The following TDRP variants were observed in gnomAD, a reference collection of about 807,000 sequenced individuals.
TDRP encodes the protein testis development related protein, also known as testis development-related protein.
In TDRP, 12 loss-of-function variants were observed where a neutral mutation model predicts 10.5. That is an observed-to-expected ratio of 1.15 (90% CI 0.73 to 1.86). The LOEUF (loss-of-function observed/expected upper bound fraction) is 1.86. TDRP is among the 40% of genes most tolerant of loss of function. The probability of loss-of-function intolerance (pLI) is 0.00; values close to 1 mark genes in which losing one functional copy is unlikely to be tolerated. For synonymous variants in TDRP, 139 were observed against 95.4 expected (o/e 1.46, Z -2.67); for missense variants, 353 against 229.2 (o/e 1.54, Z -3.49).
chr8:544,651 T>A lies in TDRP; in HGVS notation c.107A>T (p.Gln36Leu), dbSNP rs1224439986. The A allele has an allele frequency of 8.2e-7, 1 of 1,225,508 alleles. No homozygotes were observed. The highest frequency in any genetic ancestry group is 4.7e-5 in the Admixed American group (1 of 21,078). The allele number at this position is 1,225,508 out of a possible 1,614,324, so 75.9% of individuals were successfully genotyped here. Residue 36 changes from glutamine to leucine, a missense_variant and splice_region_variant, in exon 1 of 3, where the codon CAG becomes CTG. Coordinates refer to ENST00000324079, the MANE Select transcript of TDRP (RefSeq NM_001384899.1). ...CTCCCCACCTGCGCACCCCCTCACC[T>A]GCGCCTGGGCGGCGGCGGCGGCGGC... Reference protein sequence around the residue: ...PPAAAAAAQAQVQGASFRGWK... With the variant: ...PPAAAAAAQALVQGASFRGWK...
At chr8:524,623 A>G (rs1195089366) in intron 1 of TDRP, among the ~76,000 whole-genome samples, 1 of 152,250 alleles carries the variant, frequency 6.6e-6, no homozygotes, top group South Asian at 2.1e-4. Flanking sequence ...TAAAACATCA[A>G]GCAGAAATTC....
chr8:531,692 T>C (rs968021709), intron 1 of TDRP, among the ~76,000 whole-genome samples: 3 of 152,252 alleles, frequency 2.0e-5, no homozygotes, highest in Non-Finnish European at 1.5e-5. Flanking sequence ...GTCTGAGTTA[T>C]ACTGTGGGGA....
chr8:501,580 C>G (rs1262332851), intron 1 of TDRP, among the ~76,000 whole-genome samples: 1 of 152,172 alleles, frequency 6.6e-6, no homozygotes, highest in African/African-American at 2.4e-5. Context: ...CTCCTGCCCT[C>G]AAGCGATCCA....
chr8:498,535 G>A (rs1205048682), intron 1 of TDRP, among the ~76,000 whole-genome samples: 1 of 152,196 alleles, frequency 6.6e-6, no homozygotes, highest in Non-Finnish European at 1.5e-5. Flanking sequence ...ATAGGCAGAA[G>A]GGACTTACCT....
At chr8:515,685 G>A (rs1801739835) in intron 1 of TDRP, among the ~76,000 whole-genome samples, 1 of 152,112 alleles carries the variant, frequency 6.6e-6, no homozygotes, top group Non-Finnish European at 1.5e-5. Context: ...ACTACTTACT[G>A]ACAATTAATT....
intron 1 of TDRP, among the ~76,000 whole-genome samples, chr8:541,431 A>T (rs927806402): frequency 6.6e-6 from 1 of 152,270 alleles, no homozygotes; most frequent in African/African-American, 2.4e-5. Flanking sequence ...TTAAAATTAA[A>T]AACTTCTGCT....
At chr8:503,865 C>T (rs1355813304) in intron 1 of TDRP, among the ~76,000 whole-genome samples, 1 of 149,390 alleles carries the variant, frequency 6.7e-6, no homozygotes, top group Non-Finnish European at 1.5e-5. Flanking sequence ...CTGCACACAC[C>T]AACACGGAAT....
Position 494,554 on chromosome 8 carries a change from A to ATC in TDRP, c.151_152insGA (p.Leu51ArgfsTer27). ...ATGCTGCTCATCATCTTTGTTAAAC[A>ATC]GTGAAGTCACTTCTTTCCAACCTCG... is the stretch of plus-strand genomic sequence containing the variant. On this transcript the variant is annotated frameshift_variant, in exon 2 of 3. Coordinates refer to ENST00000324079, the MANE Select transcript of TDRP (RefSeq NM_001384899.1). LOFTEE classifies it high-confidence loss of function. 1 of 1,614,020 alleles carries ATC rather than the reference A, an allele frequency of 6.2e-7. No individual in the cohort carries two copies. Among genetic ancestry groups the ATC allele is most frequent in the Non-Finnish European group, 8.5e-7 (1 of 1,179,890 alleles).
At chr8:506,469 G>C (rs982562838) in intron 1 of TDRP, among the ~76,000 whole-genome samples, 2 of 152,186 alleles carry the variant, frequency 1.3e-5, no homozygotes, top group Admixed American at 1.3e-4. Flanking sequence ...CTGACACTAA[G>C]CCGCAGCTGA....
At chr8:498,502 C>A (rs1419712515) in intron 1 of TDRP, among the ~76,000 whole-genome samples, 1 of 152,144 alleles carries the variant, frequency 6.6e-6, no homozygotes, top group Non-Finnish European at 1.5e-5. Flanking sequence ...AAGTAACTAA[C>A]TTGTTTTTGA....
chr8:524,315 C>T (rs918309109), intron 1 of TDRP, among the ~76,000 whole-genome samples: 1 of 152,114 alleles, frequency 6.6e-6, no homozygotes, highest in African/African-American at 2.4e-5. Flanking sequence ...GGAAAGCTTT[C>T]CCAAGAAGGA....
intron 1 of TDRP, among the ~76,000 whole-genome samples, chr8:512,539 G>A (rs1315385952): frequency 6.6e-6 from 1 of 151,892 alleles, no homozygotes; most frequent in Non-Finnish European, 1.5e-5. Flanking sequence ...CATTTCTATT[G>A]ACCTTATATA....
intron 1 of TDRP, among the ~76,000 whole-genome samples, chr8:523,480 G>GC (rs1801958382): frequency 6.6e-6 from 1 of 152,160 alleles, no homozygotes; most frequent in Non-Finnish European, 1.5e-5. Flanking sequence ...GTAGGGTATA[G>GC]CAGCAGTCAA....
At chr8:500,469 C>A (rs901550182) in intron 1 of TDRP, among the ~76,000 whole-genome samples, 1 of 152,160 alleles carries the variant, frequency 6.6e-6, no homozygotes, top group Non-Finnish European at 1.5e-5. Flanking sequence ...TTTAGAAGAA[C>A]TGAACCTGCC....
chr8:498,573 C>T (rs1563116775), intron 1 of TDRP, among the ~76,000 whole-genome samples: 1 of 152,136 alleles, frequency 6.6e-6, no homozygotes, highest in Non-Finnish European at 1.5e-5. Context: ...CTTACCTTGT[C>T]TCAGATGAGA....
intron 1 of TDRP, among the ~76,000 whole-genome samples, chr8:506,267 T>C (rs921837738): frequency 5.3e-5 from 8 of 152,152 alleles, no homozygotes; most frequent in Non-Finnish European, 7.4e-5. Flanking sequence ...CTTAAACATT[T>C]GGTACAAAAG....
rs138072245 is a variant in TDRP at position 540,787 on chromosome 8, T to C, written c.108+3863A>G. ...ACATTTCAAATTTATTGGAACCTAATATTATCTACTTTTTCACGTAAAAAA... is the reference window on the plus strand; with the variant it reads ...ACATTTCAAATTTATTGGAACCTAACATTATCTACTTTTTCACGTAAAAAA... On this transcript the variant is annotated intron_variant, in intron 1 of 2. Transcript: ENST00000324079. Among the ~76,000 whole-genome samples the C allele has an allele frequency of 5.1e-5, 7 of 138,386 alleles. No individual in the cohort carries two copies. The East Asian group carries it at 1.5e-3, about 29-fold the overall frequency. 90.8% of individuals were successfully genotyped at this position (138,386 alleles called of 152,430 possible). A position where few individuals can be genotyped will look rare whatever the true frequency, so the allele number is the denominator to read the frequency against.
chr8:499,406 T>C (rs1402882496), intron 1 of TDRP, among the ~76,000 whole-genome samples: 2 of 152,022 alleles, frequency 1.3e-5, no homozygotes, highest in African/African-American at 4.8e-5. Context: ...AGTTGTGTGG[T>C]CTCCACTAAC....
At chr8:520,662 C>A (rs921925285) in intron 1 of TDRP, among the ~76,000 whole-genome samples, 3 of 152,176 alleles carry the variant, frequency 2.0e-5, no homozygotes, top group African/African-American at 7.2e-5. Context: ...GACATCTCAT[C>A]ATGGTTTTGA....
Sources: allele counts gnomAD v4.1 joint callset (sites outside exome capture counted in the v4.1 genomes callset), GRCh38; gene constraint gnomAD v4.1.1; transcripts MANE v1.5; gene names NCBI Gene and HGNC (gene_info 2026-07-23, HGNC 2026-07-21).